Variants in CCT3 observed in about 807,000 individuals in gnomAD.
The protein encoded by CCT3 is chaperonin containing TCP1 subunit 3.
Under a neutral mutation model 65.3 loss-of-function variants are expected in CCT3, and 10 were observed. The observed-to-expected ratio is 0.15, with a 90% CI of 0.09 to 0.26. CCT3 has a LOEUF of 0.26. Ranked by LOEUF, CCT3 falls within the 10% of genes least tolerant of loss-of-function variation. CCT3 has a pLI of 1.00. For synonymous variants in CCT3, 225 were observed against 242.3 expected (o/e 0.93, Z 0.66); for missense variants, 626 against 708.7 (o/e 0.88, Z 1.33).
chr1:156,311,697 G>A (rs1026695514), intron 11 of CCT3, among the ~76,000 whole-genome samples: 1 of 152,116 alleles, frequency 6.6e-6, no homozygotes, highest in African/African-American at 2.4e-5. Flanking sequence ...TAAGAAAACA[G>A]TTGTTGCTAG....
intron 10 of CCT3, 77 bp downstream of exon 10, chr1:156,317,089 G>T: frequency 1.6e-6 from 2 of 1,244,272 alleles, no homozygotes; most frequent in East Asian, 2.3e-5. Context: ...AACCTTTTCA[G>T]GTAATGATGA....
Position 156,334,743 on chromosome 1 carries a change from C to A in CCT3, c.177G>T (p.Met59Ile). ...GAAGAATGGCATTGCCATCATTGGTCATCACAATGCCTCCCATTGGGTCCA... is the reference window on the plus strand; with the variant it reads ...GAAGAATGGCATTGCCATCATTGGTAATCACAATGCCTCCCATTGGGTCCA... Reference protein sequence around the residue: ...MLLDPMGGIVMTNDGNAILRE... With the variant: ...MLLDPMGGIVITNDGNAILRE... The change falls in exon 4 of 14, where the codon ATG (methionine) becomes ATT (isoleucine). Residue 59 changes from methionine (M) to isoleucine (I), a missense_variant. Met to Ile is a conservative substitution (Grantham distance 10). Coordinates refer to ENST00000295688, the MANE Select transcript of CCT3 (RefSeq NM_005998.5). 6.2e-7 allele frequency: 1 copy of A among 1,614,042 alleles called. No homozygotes were observed. Among genetic ancestry groups the A allele is most frequent in the South Asian group, 1.1e-5 (1 of 91,034 alleles).
At chr1:156,334,531 C>G (rs1409193223) in intron 4 of CCT3, among the ~76,000 whole-genome samples, 182 bp downstream of exon 4, 1 of 152,154 alleles carries the variant, frequency 6.6e-6, no homozygotes, top group Admixed American at 6.6e-5. Flanking sequence ...CTACTGACGC[C>G]TTTATTTCAG....
chr1:156,313,832 G>A (rs1419334837), intron 10 of CCT3, among the ~76,000 whole-genome samples: 1 of 152,190 alleles, frequency 6.6e-6, no homozygotes, highest in Non-Finnish European at 1.5e-5. Flanking sequence ...GCTCATGCCT[G>A]TAATCCCAGC....
At chr1:156,332,202 C>T (rs554967472) in intron 5 of CCT3, among the ~76,000 whole-genome samples, 10 of 152,074 alleles carry the variant, frequency 6.6e-5, no homozygotes, top group African/African-American at 1.4e-4. Context: ...TTTACAGTGA[C>T]GCGGTCTCTC....
intron 13 of CCT3, 29 bp from the exon 14 acceptor site, chr1:156,309,332 G>T: frequency 6.9e-7 from 1 of 1,458,720 alleles, no homozygotes; most frequent in Non-Finnish European, 9.6e-7. Context: ...ATGCAAAGAG[G>T]TCAGCAGAGA....
In CCT3 at chr1:156,320,938, A is replaced by G. The variant is rs745697908; in HGVS notation, c.510T>C (p.Ser170=). Residue 170 remains serine (S), a synonymous_variant, in exon 7 of 14, where the codon TCT becomes TCC. Transcript: ENST00000295688. ...ITTKAISRWS[S]LACNIALDAV... ...CATCCAGGGCAATGTTGCAAGCCAA[A>G]GATGACCACCGACTGATGGCTTTGG... 3 of 1,613,992 alleles carry G rather than the reference A, an allele frequency of 1.9e-6. No homozygotes were observed. In the African/African-American group the frequency reaches 4.0e-5, roughly 22 times the overall value.
intron 1 of CCT3, chr1:156,337,308 T>G (rs943570308): frequency 2.8e-5 from 8 of 289,994 alleles, no homozygotes; most frequent in Non-Finnish European, 5.4e-5. Flanking sequence ...CTCGGGAGGC[T>G]AAGGCAGGAG....
At chr1:156,324,419 C>T (rs1035359831) in intron 6 of CCT3, among the ~76,000 whole-genome samples, 9 of 152,186 alleles carry the variant, frequency 5.9e-5, no homozygotes, top group East Asian at 1.9e-4. Flanking sequence ...CATGACTCTA[C>T]GTGATGTTAA....
intron 6 of CCT3, among the ~76,000 whole-genome samples, chr1:156,323,812 G>T (rs761610616): frequency 6.6e-6 from 1 of 151,652 alleles, no homozygotes; most frequent in Non-Finnish European, 1.5e-5. Flanking sequence ...GCCCAGGCTG[G>T]AGTGCAATGG....
intron 5 of CCT3, chr1:156,332,697 G>A (rs771142119): frequency 6.6e-6 from 1 of 152,172 alleles, no homozygotes; most frequent in Non-Finnish European, 1.5e-5. Flanking sequence ...GATGATTTCG[G>A]TATTTATAAT....
intron 4 of CCT3, among the ~76,000 whole-genome samples, chr1:156,334,234 C>T (rs953027575): frequency 2.6e-5 from 3 of 117,298 alleles, no homozygotes; most frequent in South Asian, 2.8e-4. Context: ...AGCGAGACTC[C>T]GTCTCAAAAA....
At chr1:156,335,711 C>A in intron 2 of CCT3, 116 bp downstream of exon 2, 1 of 755,870 alleles carries the variant, frequency 1.3e-6, no homozygotes, top group South Asian at 1.9e-5. Flanking sequence ...GTCAACTTTT[C>A]CTCTGCCTAT....
intron 10 of CCT3, among the ~76,000 whole-genome samples, chr1:156,314,623 A>T (rs1664231419): frequency 6.6e-6 from 1 of 152,170 alleles, no homozygotes; most frequent in Non-Finnish European, 1.5e-5. Context: ...CTGAGACAGG[A>T]GAATCGTTTG....
chr1:156,335,594 A>G, intron 2 of CCT3: 2 of 478,104 alleles, frequency 4.2e-6, no homozygotes, highest in Non-Finnish European at 3.7e-6. Context: ...AAAACAATAC[A>G]CAGCAACAGA....
In CCT3 at chr1:156,337,162, T is replaced by C. The variant is rs113526416; in HGVS notation, c.31+992A>G. The C allele has an allele frequency of 8.9e-6, 9 of 1,007,326 alleles. 1 individual carries two copies. The highest frequency in any genetic ancestry group is 5.1e-5 in the African/African-American group (3 of 59,102). 62.4% of individuals were successfully genotyped at this position (1,007,326 alleles called of 1,614,324 possible). ...GCTCACGCCTGTAATCTCAGCACTT[T>C]GGGAGGCCGAGGTGGGCGGATCACC... On this transcript the variant is annotated intron_variant, in intron 1 of 13. Transcript: ENST00000295688.
chr1:156,315,513 T>C (rs990874975), intron 10 of CCT3, among the ~76,000 whole-genome samples: 1 of 152,166 alleles, frequency 6.6e-6, no homozygotes, highest in African/African-American at 2.4e-5. Context: ...CCTGCCCTTA[T>C]GATTTTCTTA....
intron 10 of CCT3, among the ~76,000 whole-genome samples, chr1:156,313,350 G>GGA (rs570894422): frequency 9.4e-6 from 1 of 106,752 alleles, no homozygotes; most frequent in Non-Finnish European, 1.9e-5. Flanking sequence ...AAAAAAAAAA[G>GGA]AAAAAAAAAA....
intron 1 of CCT3, chr1:156,337,905 A>C: frequency 3.6e-6 from 2 of 551,082 alleles, no homozygotes; most frequent in Non-Finnish European, 6.5e-6. Context: ...CGGAGTGGGA[A>C]AGAGCTTCCC....
Sources: gnomAD v4.1 joint callset for allele counts (sites outside exome capture counted in the v4.1 genomes callset) on GRCh38, gnomAD v4.1.1 for gene constraint, MANE v1.5 for transcripts, NCBI Gene and HGNC (gene_info 2026-07-23, HGNC 2026-07-21) for gene names.